Variants in PARD3B observed in about 807,000 individuals in gnomAD.
PARD3B encodes the protein par-3 family cell polarity regulator beta, also known as partitioning defective 3 homolog B.
In PARD3B, 103 loss-of-function variants were observed where a neutral mutation model predicts 130.2. That is an observed-to-expected ratio of 0.79 (90% CI 0.67 to 0.93). The LOEUF (loss-of-function observed/expected upper bound fraction) is 0.93, where lower values mean the gene tolerates loss of function less well. Ranked by LOEUF, PARD3B falls within the 40% of genes least tolerant of loss-of-function variation. PARD3B has a pLI of 0.00. For missense variants in PARD3B, 1,609 were observed against 1,499.2 expected (o/e 1.07, Z -1.21); for synonymous variants, 583 against 553.2 (o/e 1.05, Z -0.76).
chr2:204,687,120 G>T (rs956327236), intron 2 of PARD3B, among the ~76,000 whole-genome samples: 1 of 152,058 alleles, frequency 6.6e-6, no homozygotes, highest in Non-Finnish European at 1.5e-5. Flanking sequence ...AATCTCAGGG[G>T]TGTGTATGTG....
chr2:205,089,133 T>G (rs1221480747), intron 4 of PARD3B, among the ~76,000 whole-genome samples: 1 of 130,214 alleles, frequency 7.7e-6, no homozygotes, highest in East Asian at 2.2e-4. Context: ...GGCACTCTCT[T>G]TTTTTTTTCT....
At chr2:205,430,535 T>G (rs2047295528) in intron 19 of PARD3B, among the ~76,000 whole-genome samples, 1 of 152,220 alleles carries the variant, frequency 6.6e-6, no homozygotes, top group Admixed American at 6.5e-5. Context: ...CTGTAGTAGA[T>G]AGCTCGGATA....
intron 2 of PARD3B, among the ~76,000 whole-genome samples, chr2:204,734,244 T>G (rs2039645754): frequency 6.6e-6 from 1 of 152,016 alleles, no homozygotes; most frequent in Non-Finnish European, 1.5e-5. Flanking sequence ...TCACTAAAAT[T>G]AAAAGGACTG....
At chr2:205,001,126 T>C (rs1019962303) in intron 3 of PARD3B, among the ~76,000 whole-genome samples, 2 of 152,072 alleles carry the variant, frequency 1.3e-5, no homozygotes, top group African/African-American at 4.8e-5. Context: ...GTAGCTGGGA[T>C]TACAGGTGCC....
intron 2 of PARD3B, among the ~76,000 whole-genome samples, chr2:204,741,671 T>C (rs2040015754): frequency 6.6e-6 from 1 of 152,150 alleles, no homozygotes; most frequent in East Asian, 1.9e-4. Context: ...TTATAGAAAA[T>C]ACACCTCTTA....
intron 2 of PARD3B, among the ~76,000 whole-genome samples, chr2:204,861,194 C>CTCTCTCTG (rs2045178205): frequency 4.1e-5 from 6 of 146,450 alleles, no homozygotes; most frequent in Admixed American, 4.1e-4. Context: ...CTCTCTCTCT[C>CTCTCTCTG]TCTCTCTCTC....
chr2:204,844,300 G>A (rs556084688), intron 2 of PARD3B, among the ~76,000 whole-genome samples: 2 of 152,036 alleles, frequency 1.3e-5, no homozygotes, highest in East Asian at 3.9e-4. Context: ...GTACCACTAC[G>A]ATTAAATTGT....
rs2046396284 is a variant in PARD3B, at chr2:204,890,163, A to G, written c.223-74989A>G. Among the ~76,000 whole-genome samples the G allele has an allele frequency of 6.6e-6, 1 of 152,208 alleles. No individual in the cohort carries two copies. Among genetic ancestry groups the G allele is most frequent in the African/African-American group, 2.4e-5 (1 of 41,452 alleles). ...CAGCAGGAGCACTCACCACACTGCA[A>G]TCCATCTGGCCCCTGGCTGGCAGTC... On this transcript the variant is annotated intron_variant, in intron 2 of 22. Coordinates refer to ENST00000406610, the MANE Select transcript of PARD3B (RefSeq NM_001302769.2). This position sits in a 1 kb window ranked among gnomAD's most constrained non-coding sequence, Gnocchi z 4.9.
chr2:205,595,234 G>A (rs2054526198), intron 22 of PARD3B, among the ~76,000 whole-genome samples: 1 of 152,222 alleles, frequency 6.6e-6, no homozygotes, highest in Non-Finnish European at 1.5e-5. Flanking sequence ...AACTGTGGGA[G>A]CACCTGCCCA....
At chr2:205,438,508 G>A (rs886194560) in intron 19 of PARD3B, among the ~76,000 whole-genome samples, 1 of 152,144 alleles carries the variant, frequency 6.6e-6, no homozygotes, top group East Asian at 1.9e-4. Flanking sequence ...CTTTATTGAT[G>A]TCCTTTGCTC....
rs113375907 is a variant in PARD3B at position 205,550,358 on chromosome 2, AG to A, written c.3181-2964del. 3.9e-5 allele frequency among the ~76,000 whole-genome samples: 6 copies of A among 152,314 alleles called. 1 individual carries two copies. The highest frequency in any genetic ancestry group is 1.4e-4 in the African/African-American group (6 of 41,584). ...AATTGTTTGCAGGCCTGTTTCCATG[AG>A]GAGACCCGCTGGATTTCTTCATTGC... On this transcript the variant is annotated intron_variant, in intron 21 of 22. Transcript: ENST00000406610. This position sits in a 1 kb window ranked among gnomAD's most constrained non-coding sequence, Gnocchi z 4.5.
chr2:205,324,027 G>C (rs1032414229), intron 18 of PARD3B, among the ~76,000 whole-genome samples: 1 of 152,072 alleles, frequency 6.6e-6, no homozygotes, highest in Non-Finnish European at 1.5e-5. Context: ...TCAGACCAAG[G>C]AAATTTTAAG....
chr2:205,041,234 C>T (rs751601363), intron 3 of PARD3B, among the ~76,000 whole-genome samples: 9 of 152,092 alleles, frequency 5.9e-5, no homozygotes, highest in Non-Finnish European at 1.3e-4. Flanking sequence ...TGAATGCCCA[C>T]CCTATTGAAA....
chr2:205,074,366 T>TAA (rs1323866722), intron 4 of PARD3B, among the ~76,000 whole-genome samples: 4 of 152,352 alleles, frequency 2.6e-5, no homozygotes, highest in South Asian at 2.1e-4. Context: ...TTTGAACTTT[T>TAA]AAAAGTTGCT....
intron 3 of PARD3B, among the ~76,000 whole-genome samples, chr2:205,002,815 G>C (rs1245374577): frequency 6.6e-6 from 1 of 152,168 alleles, no homozygotes; most frequent in Non-Finnish European, 1.5e-5. Flanking sequence ...TTTTTCTGTT[G>C]ATGCCATAAG....
intron 2 of PARD3B, among the ~76,000 whole-genome samples, chr2:204,821,539 C>T (rs911065549): frequency 5.3e-5 from 6 of 113,478 alleles, no homozygotes; most frequent in Non-Finnish European, 1.0e-4. Flanking sequence ...ATCACACTCT[C>T]GGGACTGTTG....
intron 4 of PARD3B, among the ~76,000 whole-genome samples, chr2:205,085,656 T>G (rs1376540881): frequency 1.3e-5 from 2 of 152,070 alleles, no homozygotes; most frequent in African/African-American, 4.8e-5. Context: ...CATTGGGGTT[T>G]TCACCTTCTT....
chr2:205,005,865 A>T (rs940306161), intron 3 of PARD3B, among the ~76,000 whole-genome samples: 2 of 152,170 alleles, frequency 1.3e-5, no homozygotes, highest in Non-Finnish European at 1.5e-5. Context: ...GATTACATAG[A>T]TAAGTCCTTT....
chr2:204,863,727 C>T (rs1210811070), intron 2 of PARD3B, among the ~76,000 whole-genome samples: 1 of 152,162 alleles, frequency 6.6e-6, no homozygotes, highest in Non-Finnish European at 1.5e-5. Context: ...TTGGGATAAG[C>T]ATGGATCTCA....
Sources: gnomAD v4.1 joint callset for allele counts (sites outside exome capture counted in the v4.1 genomes callset) on GRCh38, gnomAD v4.1.1 for gene constraint, Gnocchi (gnomAD v3.1) non-coding constraint, MANE v1.5 for transcripts, NCBI Gene and HGNC (gene_info 2026-07-23, HGNC 2026-07-21) for gene names.